Variants in ANKRD13A observed in about 807,000 individuals in gnomAD.
ANKRD13A encodes the protein ankyrin repeat domain-containing protein 13A.
A neutral mutation model predicts 81.3 loss-of-function variants in ANKRD13A; 48 were observed. The ratio of observed to expected loss-of-function variants is 0.59; its 90% CI spans 0.47 to 0.75. The LOEUF is 0.75. Ranked by LOEUF, ANKRD13A falls within the 30% of genes least tolerant of loss-of-function variation. The pLI is 0.00. For synonymous variants in ANKRD13A, 230 were observed against 270.1 expected (o/e 0.85, Z 1.45); for missense variants, 612 against 734.0 (o/e 0.83, Z 1.92).
chr12:110,028,253 CT>C (rs1438636439), intron 9 of ANKRD13A: 3 of 391,886 alleles, frequency 7.7e-6, no homozygotes, highest in Non-Finnish European at 1.4e-5. Context: ...ATATTTCTTT[CT>C]TTTTTTCTTT....
At chr12:110,029,683 T>G in intron 11 of ANKRD13A, 48 bp downstream of exon 11, 5 of 1,595,512 alleles carry the variant, frequency 3.1e-6, no homozygotes, top group Non-Finnish European at 3.4e-6. Flanking sequence ...TGCCCATGTT[T>G]GTGGGTGGCA....
At position 110,013,369 on chromosome 12, in the gene ANKRD13A, TACTC is replaced by T. The variant is rs1274974840; in HGVS notation, c.354+122_354+125del. 1.1e-5 allele frequency: 13 copies of T among 1,208,056 alleles called. No homozygotes were observed. In the East Asian group the frequency reaches 1.4e-4, roughly 13 times the overall value. The allele number at this position is 1,208,056 out of a possible 1,614,324, so 74.8% of individuals were successfully genotyped here. A position where few individuals can be genotyped will look rare whatever the true frequency, so the allele number is the denominator to read the frequency against. Reference sequence around the variant, plus strand: ...AGTTTTCTGATTCGTGAATATGAAATACTCAATACCAATCACATTATTCCTTGCC... The same window carrying T: ...AGTTTTCTGATTCGTGAATATGAAATAATACCAATCACATTATTCCTTGCC... On this transcript the variant is annotated intron_variant, in intron 3 of 14. Coordinates refer to ENST00000261739, the MANE Select transcript of ANKRD13A (RefSeq NM_033121.2).
At position 110,019,191 on chromosome 12, in the gene ANKRD13A, C is replaced by G. The variant is rs371318947; in HGVS notation, c.597C>G (p.Thr199=). The part of the protein sequence containing the change: ...EVNHDDKVVT[T]ERFDLSQEME... ...ACCATGATGACAAAGTGGTCACCACCGAACGCTTCGACCTTTCCCAAGAAA... is the reference window on the plus strand; with the variant it reads ...ACCATGATGACAAAGTGGTCACCACGGAACGCTTCGACCTTTCCCAAGAAA... Residue 199 remains threonine (T), a synonymous_variant, in exon 6 of 15, where the codon ACC becomes ACG. Transcript: ENST00000261739. 4 of 1,613,474 alleles carry G rather than the reference C, an allele frequency of 2.5e-6. No homozygotes were observed. Among genetic ancestry groups the G allele is most frequent in the Non-Finnish European group, 3.4e-6 (4 of 1,179,582 alleles).
At chr12:110,030,796 T>C (rs1891640302) in intron 12 of ANKRD13A, 38 bp downstream of exon 12, 1 of 1,429,128 alleles carries the variant, frequency 7.0e-7, no homozygotes. Context: ...AGTTTTGTTA[T>C]TTAAAAAAAA....
At chr12:110,029,448 C>A (rs762887689) in intron 10 of ANKRD13A, 30 bp from the exon 11 acceptor site, 14 of 1,599,626 alleles carry the variant, frequency 8.8e-6, no homozygotes, top group Non-Finnish European at 7.7e-6. Flanking sequence ...GTGGAGATGA[C>A]CTCAGTCTTT....
intron 6 of ANKRD13A, chr12:110,021,074 G>T: frequency 2.2e-6 from 1 of 455,584 alleles, no homozygotes; most frequent in Non-Finnish European, 4.4e-6. Flanking sequence ...TTGTACCGAG[G>T]ACTAAGGCAC....
chr12:110,030,802 A>G (rs759571730), intron 12 of ANKRD13A, 44 bp downstream of exon 12: 5 of 1,389,150 alleles, frequency 3.6e-6, no homozygotes, highest in African/African-American at 1.5e-5. Flanking sequence ...GTTATTTAAA[A>G]AAAAATTTAT....
chr12:110,001,097 G>A lies in ANKRD13A; in HGVS notation c.96+1313G>A, dbSNP rs576437895. ...TAAAGTCTCCCAACAATTCTGGGAG[G>A]TATTGGTGCCCTCAAGTTTCAAGCT... On this transcript the variant is annotated intron_variant, in intron 1 of 14. Transcript: ENST00000261739. Among the ~76,000 whole-genome samples, 8 of 151,592 alleles carry A rather than the reference G, an allele frequency of 5.3e-5. No homozygotes were observed. The South Asian group carries it at 1.7e-3, about 32-fold the overall frequency.
rs1476247658 is a variant in ANKRD13A, at chr12:110,037,546, G to A, written c.1765G>A (p.Asp589Asn). The A allele has an allele frequency of 6.2e-6, 10 of 1,612,938 alleles. No individual in the cohort carries two copies. The highest frequency in any genetic ancestry group is 7.6e-6 in the Non-Finnish European group (9 of 1,179,856). ...GCAAGTCTTACAGCTGTCACTCACT[G>A]ACAAATAGACCTTTCAGCCTGTGAG... The part of the protein sequence containing the change: ...LQQVLQLSLT[D>N]K Residue 589 changes from aspartate to asparagine, a missense_variant, in exon 15 of 15, where the codon GAC becomes AAC. Asp to Asn is a conservative substitution (Grantham distance 23). Coordinates refer to ENST00000261739, the MANE Select transcript of ANKRD13A (RefSeq NM_033121.2).
chr12:110,032,917 T>C (rs1012019550), intron 12 of ANKRD13A: 1 of 152,212 alleles, frequency 6.6e-6, no homozygotes, highest in African/African-American at 2.4e-5. Flanking sequence ...ATGATATACA[T>C]GTGGCAAGCT....
intron 8 of ANKRD13A, among the ~76,000 whole-genome samples, chr12:110,026,053 C>G (rs544250148): frequency 4.3e-4 from 65 of 151,860 alleles, no homozygotes; most frequent in African/African-American, 1.2e-3. Flanking sequence ...CCTCTGCCTC[C>G]TGGGTTCAAG....
At chr12:110,008,885 G>GA (rs889930313) in intron 1 of ANKRD13A, among the ~76,000 whole-genome samples, 2 of 151,500 alleles carry the variant, frequency 1.3e-5, no homozygotes, top group Non-Finnish European at 2.9e-5. Context: ...ACTCAGTCTG[G>GA]AAAAAAAACC....
intron 1 of ANKRD13A, among the ~76,000 whole-genome samples, chr12:110,007,666 C>T (rs746653894): frequency 2.6e-5 from 4 of 152,238 alleles, no homozygotes; most frequent in Non-Finnish European, 5.9e-5. Context: ...AGGTGTGAGC[C>T]ACCACACCAG....
intron 1 of ANKRD13A, among the ~76,000 whole-genome samples, chr12:110,005,002 ATTGATT>A (rs1264456854): frequency 2.3e-5 from 3 of 132,534 alleles, no homozygotes; most frequent in Non-Finnish European, 4.5e-5. Context: ...ACATATACAG[ATTGATT>A]TTTTCAAAAG....
intron 2 of ANKRD13A, 72 bp from the exon 3 acceptor site, chr12:110,013,053 G>C (rs993233217): frequency 2.6e-6 from 4 of 1,556,720 alleles, no homozygotes; most frequent in Non-Finnish European, 3.5e-6. Flanking sequence ...CTTTGATCTA[G>C]ATACTTTTTC....
chr12:110,031,643 C>T (rs1402927864), intron 12 of ANKRD13A, among the ~76,000 whole-genome samples: 1 of 152,130 alleles, frequency 6.6e-6, no homozygotes, highest in Non-Finnish European at 1.5e-5. Context: ...TACCCAGCCA[C>T]ATTTTGACAA....
intron 1 of ANKRD13A, among the ~76,000 whole-genome samples, chr12:110,010,102 G>A (rs986641157): frequency 1.3e-5 from 2 of 152,074 alleles, no homozygotes; most frequent in Non-Finnish European, 2.9e-5. Flanking sequence ...CCTGACCTCA[G>A]GTGATCCACC....
At chr12:110,002,008 G>A (rs998097408) in intron 1 of ANKRD13A, among the ~76,000 whole-genome samples, 2 of 151,694 alleles carry the variant, frequency 1.3e-5, no homozygotes, top group Non-Finnish European at 2.9e-5. Flanking sequence ...TTGAACTCTT[G>A]TACTCAAGTG....
intron 3 of ANKRD13A, among the ~76,000 whole-genome samples, chr12:110,014,997 C>A (rs907940987): frequency 6.6e-6 from 1 of 151,890 alleles, no homozygotes; most frequent in African/African-American, 2.4e-5. Flanking sequence ...ACCATGGTCT[C>A]GATCTCCTGA....
Sources: gnomAD v4.1 joint callset for allele counts (sites outside exome capture counted in the v4.1 genomes callset) on GRCh38, gnomAD v4.1.1 for gene constraint, MANE v1.5 for transcripts, NCBI Gene and HGNC (gene_info 2026-07-23, HGNC 2026-07-21) for gene names.